WEE2: variants seen among roughly 807,000 people sequenced by gnomAD.
The protein encoded by WEE2 is wee1-like protein kinase 2.
A neutral mutation model predicts 60.1 loss-of-function variants in WEE2; 50 were observed. That is an observed-to-expected ratio of 0.83 (90% CI 0.66 to 1.05). The LOEUF (loss-of-function observed/expected upper bound fraction) is 1.05. Ranked by LOEUF, WEE2 falls within the 50% of genes least tolerant of loss-of-function variation. The pLI is 0.00. For missense variants in WEE2, 631 were observed against 684.3 expected (o/e 0.92, Z 0.87); for synonymous variants, 240 against 241.0 (o/e 1.00, Z 0.04).
intron 9 of WEE2, among the ~76,000 whole-genome samples, chr7:141,726,668 G>T (rs957357676): frequency 6.6e-6 from 1 of 152,134 alleles, no homozygotes; most frequent in East Asian, 1.9e-4. Flanking sequence ...AATAGTTCAA[G>T]AAAGTGAATA....
At chr7:141,717,957 G>A (rs1398601772) in intron 3 of WEE2, among the ~76,000 whole-genome samples, 1 of 152,086 alleles carries the variant, frequency 6.6e-6, no homozygotes, top group Non-Finnish European at 1.5e-5. Flanking sequence ...AATTTCTCAT[G>A]GGAAACAATT....
chr7:141,728,542 C>T (rs1003918371), intron 10 of WEE2, among the ~76,000 whole-genome samples: 1 of 152,148 alleles, frequency 6.6e-6, no homozygotes, highest in Non-Finnish European at 1.5e-5. Context: ...AATATAAGTA[C>T]CTCTTAAGGT....
intron 6 of WEE2, among the ~76,000 whole-genome samples, 175 bp downstream of exon 6, chr7:141,723,455 C>T (rs1798954616): frequency 6.6e-6 from 1 of 152,048 alleles, no homozygotes. Flanking sequence ...CTCCCCTAGG[C>T]CCAACAGACA....
intron 10 of WEE2, among the ~76,000 whole-genome samples, chr7:141,728,923 A>G (rs1216160417): frequency 6.6e-6 from 1 of 152,076 alleles, no homozygotes; most frequent in Admixed American, 6.6e-5. Flanking sequence ...TCATCCTGAA[A>G]CCATCTCCTC....
chr7:141,730,169 C>A, intron 11 of WEE2, 126 bp from the exon 12 acceptor site: 3 of 736,960 alleles, frequency 4.1e-6, no homozygotes, highest in Non-Finnish European at 6.4e-6. Context: ...GATCCTAAAG[C>A]TAGTAAGGCT....
At position 141,716,212 on chromosome 7, in the gene WEE2, C is replaced by A; in HGVS notation, c.540-10C>A. On this transcript the variant is annotated splice_polypyrimidine_tract_variant and intron_variant, in intron 2 of 11. Coordinates refer to ENST00000397541, the MANE Select transcript of WEE2 (RefSeq NM_001105558.1). ...TTATATATTGATAAACTTTTTTTTT[C>A]TTTTTTAAGTGAGGAAGCTGGTCCA... 1 of 1,603,914 alleles carries A rather than the reference C, an allele frequency of 6.2e-7. No homozygotes were observed. The highest frequency in any genetic ancestry group is 8.5e-7 in the Non-Finnish European group (1 of 1,176,284).
At chr7:141,714,549 C>T in intron 2 of WEE2, 144 bp downstream of exon 2, 1 of 637,448 alleles carries the variant, frequency 1.6e-6, no homozygotes, top group Non-Finnish European at 2.6e-6. Flanking sequence ...TCCTAGATAT[C>T]AATGCTGGTT....
At chr7:141,726,614 C>T (rs1799023393) in intron 9 of WEE2, among the ~76,000 whole-genome samples, 1 of 152,108 alleles carries the variant, frequency 6.6e-6, no homozygotes, top group Non-Finnish European at 1.5e-5. Flanking sequence ...TAAATGCTGG[C>T]CCTGTACTAG....
rs536170958 is a variant in WEE2 at position 141,730,333 on chromosome 7, A to G, written c.*13A>G. 12 of 1,612,984 alleles carry G rather than the reference A, an allele frequency of 7.4e-6. No homozygotes were observed. In the South Asian group the frequency reaches 1.3e-4, roughly 18 times the overall value. On this transcript the variant is annotated 3_prime_UTR_variant, in exon 12 of 12. Coordinates refer to ENST00000397541, the MANE Select transcript of WEE2 (RefSeq NM_001105558.1). ...GCCTCTGCATTAAAGGAAGAAAAGGAAAACAGCCCTTGGTTTGGCCTATGG... is the reference window on the plus strand; with the variant it reads ...GCCTCTGCATTAAAGGAAGAAAAGGGAAACAGCCCTTGGTTTGGCCTATGG...
chr7:141,713,430 G>T (rs1045669929), intron 1 of WEE2, among the ~76,000 whole-genome samples: 3 of 152,074 alleles, frequency 2.0e-5, no homozygotes, highest in Non-Finnish European at 4.4e-5. Context: ...TCGCCCTTTG[G>T]TTTCATTCTG....
intron 6 of WEE2, 112 bp from the exon 7 acceptor site, chr7:141,723,829 C>A: frequency 1.4e-6 from 1 of 705,324 alleles, no homozygotes; most frequent in Non-Finnish European, 2.3e-6. Context: ...TAGTCTATGT[C>A]CACACAAAAG....
rs185469455 is a variant in WEE2, at chr7:141,721,365, G to A, written c.880+309G>A. On this transcript the variant is annotated intron_variant, in intron 5 of 11. Coordinates refer to ENST00000397541, the MANE Select transcript of WEE2 (RefSeq NM_001105558.1). Reference sequence around the variant, plus strand: ...CTCCCTCCCCTTAAGCAACATCCAGGCTGGTAGAGAAACCAGAGCTTTGGT... The same window carrying A: ...CTCCCTCCCCTTAAGCAACATCCAGACTGGTAGAGAAACCAGAGCTTTGGT... Among the ~76,000 whole-genome samples the A allele has an allele frequency of 2.6e-5, 4 of 152,276 alleles. No individual in the cohort carries two copies. The East Asian group carries it at 5.8e-4, about 22-fold the overall frequency.
rs1798859511 is a variant in WEE2, at chr7:141,719,181, G to A, written c.695G>A (p.Arg232Lys). The A allele has an allele frequency of 6.2e-7, 1 of 1,613,986 alleles. No individual in the cohort carries two copies. Among genetic ancestry groups the A allele is most frequent in the Admixed American group, 1.7e-5 (1 of 60,026 alleles). ...GGTACAGTCTACAAGTGCATTAAGA[G>A]GCTGGATGGATGTGTTTATGCAATA... ...EFGTVYKCIK[R>K]LDGCVYAIKR... The change falls in exon 4 of 12, where the codon AGG (arginine) becomes AAG (lysine). Residue 232 changes from arginine to lysine, a missense_variant. Arg to Lys is a conservative substitution (Grantham distance 26). Transcript: ENST00000397541.
At chr7:141,722,780 A>G (rs1798939080) in intron 5 of WEE2, among the ~76,000 whole-genome samples, 1 of 152,226 alleles carries the variant, frequency 6.6e-6, no homozygotes. Context: ...GTTAGCTGGT[A>G]CATATTTGAA....
At position 141,708,861 on chromosome 7, in the gene WEE2, G is replaced by A; in HGVS notation, c.103G>A (p.Glu35Lys). The A allele has an allele frequency of 6.2e-7, 1 of 1,614,152 alleles. No individual in the cohort carries two copies. The highest frequency in any genetic ancestry group is 1.1e-5 in the South Asian group (1 of 91,076). ...GCAGAAGAAAGTAGAAGAAAGCAGG[G>A]AGGCTTCGAGCCAAACCCCAGAGAA... ...EGQKKVEESR[E>K]ASSQTPEKGE... is the part of the protein sequence containing the mutation. The change falls in exon 1 of 12, where the codon GAG becomes AAG. Residue 35 changes from glutamate (E) to lysine (K), a missense_variant. By Grantham distance (56) the Glu-to-Lys change is moderately conservative. Coordinates refer to ENST00000397541, the MANE Select transcript of WEE2 (RefSeq NM_001105558.1).
chr7:141,721,160 A>G, intron 5 of WEE2, 104 bp downstream of exon 5: 12 of 1,400,486 alleles, frequency 8.6e-6, no homozygotes, highest in Non-Finnish European at 1.2e-5. Flanking sequence ...CGGATAGCAG[A>G]TATACCTAAA....
intron 1 of WEE2, among the ~76,000 whole-genome samples, chr7:141,710,844 A>G (rs935583017): frequency 3.3e-5 from 5 of 152,136 alleles, no homozygotes; most frequent in African/African-American, 1.2e-4. Context: ...CTAGATCAAG[A>G]TTTTAATCCT....
intron 5 of WEE2, among the ~76,000 whole-genome samples, chr7:141,721,928 C>T (rs1798918841): frequency 6.6e-6 from 1 of 152,228 alleles, no homozygotes; most frequent in African/African-American, 2.4e-5. Flanking sequence ...TTTCTCCCTT[C>T]TGAACTTACA....
Position 141,729,555 on chromosome 7 carries a change from C to T in WEE2, c.1560C>T (p.Ala520=). ...GGGAACTGAGAGAAGCCCAGCAGGCCCAGTCACCCCAGGGATATACCCATC... is the reference window on the plus strand; with the variant it reads ...GGGAACTGAGAGAAGCCCAGCAGGCTCAGTCACCCCAGGGATATACCCATC... ...LERELREAQQ[A]QSPQGYTHHG... Residue 520 remains alanine, a synonymous_variant, in exon 11 of 12, where the codon GCC becomes GCT. Coordinates refer to ENST00000397541, the MANE Select transcript of WEE2 (RefSeq NM_001105558.1). 1 of 1,614,160 alleles carries T rather than the reference C, an allele frequency of 6.2e-7. No individual in the cohort carries two copies. The highest frequency in any genetic ancestry group is 1.1e-5 in the South Asian group (1 of 91,088).
Sources: gnomAD v4.1 joint callset for allele counts (sites outside exome capture counted in the v4.1 genomes callset) on GRCh38, gnomAD v4.1.1 for gene constraint, MANE v1.5 for transcripts, NCBI Gene and HGNC (gene_info 2026-07-23, HGNC 2026-07-21) for gene names.